The following MTHFD1L variants were observed in gnomAD, a reference collection of about 807,000 sequenced individuals.
The protein encoded by MTHFD1L is monofunctional C1-tetrahydrofolate synthase, mitochondrial.
Under a neutral mutation model 119.5 loss-of-function variants are expected in MTHFD1L, and 81 were observed. That is an observed-to-expected ratio of 0.68 (90% CI 0.57 to 0.82). MTHFD1L has a LOEUF of 0.82. Ranked by LOEUF, MTHFD1L falls within the 40% of genes least tolerant of loss-of-function variation. MTHFD1L has a pLI of 0.00. For synonymous variants in MTHFD1L, 430 were observed against 475.2 expected (o/e 0.90, Z 1.24); for missense variants, 1,125 against 1,253.4 (o/e 0.90, Z 1.55).
At chr6:150,912,607 G>A (rs932357548) in intron 8 of MTHFD1L, 5 of 460,354 alleles carry the variant, frequency 1.1e-5, no homozygotes, top group African/African-American at 1.0e-4. Flanking sequence ...TTAGTGAAAG[G>A]GTGGTTCTGA....
chr6:150,866,616 C>T, intron 1 of MTHFD1L: 1 of 1,214,212 alleles, frequency 8.2e-7, no homozygotes, highest in South Asian at 4.2e-5. Context: ...CTGACGTCCG[C>T]TTTTCCCGGA....
chr6:150,889,020 CA>C (rs750338187), intron 7 of MTHFD1L, among the ~76,000 whole-genome samples: 12 of 151,780 alleles, frequency 7.9e-5, no homozygotes, highest in Non-Finnish European at 1.8e-4. Context: ...ACTAAAAATA[CA>C]AAAAAATTAG....
At chr6:150,976,782 A>G (rs1046779047) in intron 20 of MTHFD1L, among the ~76,000 whole-genome samples, 2 of 151,890 alleles carry the variant, frequency 1.3e-5, no homozygotes, top group Admixed American at 1.3e-4. Flanking sequence ...TATGTAAAAC[A>G]CTAAAGACTA....
In MTHFD1L at chr6:151,096,347, C is replaced by G. The variant is rs1038051517; in HGVS notation, c.*31+3760C>G. 3.9e-5 allele frequency among the ~76,000 whole-genome samples: 6 copies of G among 152,172 alleles called. No individual in the cohort carries two copies. The South Asian group carries it at 1.0e-3, about 26-fold the overall frequency. On this transcript the variant is annotated intron_variant, in intron 27 of 27. Coordinates refer to ENST00000367321, the MANE Select transcript of MTHFD1L (RefSeq NM_015440.5). ...TTTCTTCTTTGTGAATTGCTAAATA[C>G]AGTTCTGGGCTAGTGGGCAGTGGTT...
At chr6:150,914,101 G>C (rs796545094) in intron 8 of MTHFD1L, among the ~76,000 whole-genome samples, 21 of 152,306 alleles carry the variant, frequency 1.4e-4, no homozygotes, top group African/African-American at 4.6e-4. Context: ...CTGCACTCCA[G>C]CCTGGGCGAC....
intron 10 of MTHFD1L, among the ~76,000 whole-genome samples, chr6:150,923,509 C>CTTTATTTATTTA (rs368593673): frequency 0.19 from 22,054 of 117,840 alleles, 2,478 homozygotes; most frequent in South Asian, 0.22. Flanking sequence ...GTAACTGACA[C>CTTTATTTATTTA]TTTATTTATT....
chr6:150,873,906 G>T (rs1310890361), intron 1 of MTHFD1L, among the ~76,000 whole-genome samples: 1 of 152,128 alleles, frequency 6.6e-6, no homozygotes, highest in East Asian at 1.9e-4. Context: ...CTGACCTCAA[G>T]TGATCCATTT....
At chr6:151,044,847 G>A (rs542415150) in intron 26 of MTHFD1L, among the ~76,000 whole-genome samples, 2 of 152,126 alleles carry the variant, frequency 1.3e-5, no homozygotes, top group African/African-American at 4.8e-5. Flanking sequence ...GATGTCACCC[G>A]CTACAAATGC....
chr6:151,070,957 C>T (rs189270899), intron 26 of MTHFD1L, among the ~76,000 whole-genome samples: 2 of 152,306 alleles, frequency 1.3e-5, no homozygotes, highest in Non-Finnish European at 2.9e-5. Context: ...CTGTGGAAAT[C>T]CCCTCTGCCT....
chr6:151,015,732 C>G (rs751188022), intron 24 of MTHFD1L, 39 bp downstream of exon 24: 30 of 1,597,118 alleles, frequency 1.9e-5, no homozygotes, highest in Non-Finnish European at 2.5e-5. Context: ...ATTTCTTACA[C>G]CTTAGCATGG....
intron 20 of MTHFD1L, among the ~76,000 whole-genome samples, chr6:150,979,100 G>A (rs998085672): frequency 2.0e-5 from 3 of 152,258 alleles, no homozygotes; most frequent in Non-Finnish European, 4.4e-5. Flanking sequence ...TTAGCCGAGC[G>A]TGGTTGTGGG....
At chr6:151,041,769 C>T (rs765528593) in intron 26 of MTHFD1L, 6 of 531,256 alleles carry the variant, frequency 1.1e-5, no homozygotes, top group Non-Finnish European at 2.3e-5. Flanking sequence ...CTTGTTGTGT[C>T]CTCAAGGGAG....
intron 11 of MTHFD1L, among the ~76,000 whole-genome samples, chr6:150,927,094 C>G (rs893150608): frequency 1.3e-5 from 2 of 152,132 alleles, no homozygotes; most frequent in East Asian, 1.9e-4. Context: ...TTGGAATTGA[C>G]TCCTAGGTAA....
rs1341550009 is a variant in MTHFD1L, at chr6:150,971,952, A to G, written c.2019A>G (p.Thr673=). 1.2e-6 allele frequency: 2 copies of G among 1,613,954 alleles called. No individual in the cohort carries two copies. The highest frequency in any genetic ancestry group is 8.5e-7 in the Non-Finnish European group (1 of 1,179,936). ...KPNLMQTLEG[T]PVFVHAGPFA... Reference sequence around the variant, plus strand: ...TTGCTTTTTCACTTCTCTAGGGGACACCTGTGTTCGTGCATGCGGGCCCTT... The same window carrying G: ...TTGCTTTTTCACTTCTCTAGGGGACGCCTGTGTTCGTGCATGCGGGCCCTT... Residue 673 remains threonine (T), a synonymous_variant, in exon 20 of 28, where the codon ACA becomes ACG. Transcript: ENST00000367321.
At chr6:150,912,245 C>G (rs1297810226) in intron 8 of MTHFD1L, among the ~76,000 whole-genome samples, 4 of 151,658 alleles carry the variant, frequency 2.6e-5, no homozygotes, top group Non-Finnish European at 5.9e-5. Context: ...TTGCATTTTA[C>G]TTTATATCCT....
At chr6:150,989,755 ATAAATGG>A (rs1223632299) in intron 20 of MTHFD1L, among the ~76,000 whole-genome samples, 3 of 152,358 alleles carry the variant, frequency 2.0e-5, no homozygotes, top group Admixed American at 2.0e-4. Context: ...CAAGACCTGA[ATAAATGG>A]TAAGACACAT....
intron 7 of MTHFD1L, among the ~76,000 whole-genome samples, chr6:150,894,738 G>A (rs934859590): frequency 3.3e-5 from 5 of 152,126 alleles, no homozygotes; most frequent in African/African-American, 1.2e-4. Flanking sequence ...TTCTCTGTCC[G>A]TCTGTCTAAA....
intron 16 of MTHFD1L, among the ~76,000 whole-genome samples, chr6:150,955,656 T>C (rs908604448): frequency 5.9e-5 from 9 of 152,066 alleles, no homozygotes; most frequent in African/African-American, 1.7e-4. Flanking sequence ...CACACAACCA[T>C]GCCTGGCAAA....
chr6:150,929,763 A>G (rs1006985524), intron 11 of MTHFD1L, among the ~76,000 whole-genome samples: 1 of 152,250 alleles, frequency 6.6e-6, no homozygotes, highest in Admixed American at 6.5e-5. Flanking sequence ...AATTTTCAAG[A>G]ACAGATTAAA....
Sources: allele counts gnomAD v4.1 joint callset (sites outside exome capture counted in the v4.1 genomes callset), GRCh38; gene constraint gnomAD v4.1.1; transcripts MANE v1.5; gene names NCBI Gene and HGNC (gene_info 2026-07-23, HGNC 2026-07-21).